MAP4: variants seen among roughly 807,000 people sequenced by gnomAD.
MAP4 encodes the protein microtubule associated protein 4.
A neutral mutation model predicts 170.2 loss-of-function variants in MAP4; 76 were observed. The ratio of observed to expected loss-of-function variants is 0.45; its 90% CI spans 0.37 to 0.54. The LOEUF (loss-of-function observed/expected upper bound fraction) is 0.54. Among genes scored for constraint, MAP4 ranks in the 20% least tolerant of loss-of-function variants. The probability of loss-of-function intolerance (pLI) is 0.00; values close to 1 mark genes in which losing one functional copy is unlikely to be tolerated. For synonymous variants in MAP4, 909 were observed against 994.5 expected (o/e 0.91, Z 1.62); for missense variants, 2,506 against 2,748.0 (o/e 0.91, Z 1.97).
intron 4 of MAP4, among the ~76,000 whole-genome samples, chr3:47,927,158 C>CAAAA (rs544565652): frequency 3.8e-5 from 4 of 105,758 alleles, no homozygotes; most frequent in South Asian, 3.2e-4. Context: ...GACTCTGTCT[C>CAAAA]AAAAAAAAAA....
chr3:47,991,736 C>T (rs1204546980), intron 2 of MAP4, among the ~76,000 whole-genome samples: 4 of 151,712 alleles, frequency 2.6e-5, no homozygotes, highest in East Asian at 1.9e-4. Context: ...GGCACGATCT[C>T]GGCTCACGGC....
rs1283624732 is a variant in MAP4, at chr3:47,911,803, G to A, written c.2618C>T (p.Ser873Phe). 1 of 1,535,940 alleles carries A rather than the reference G, an allele frequency of 6.5e-7. No homozygotes were observed. Among genetic ancestry groups the A allele is most frequent in the Non-Finnish European group, 8.7e-7 (1 of 1,146,896 alleles). The change falls in exon 9 of 21, where the codon TCT (serine) becomes TTT (phenylalanine). Residue 873 changes from serine to phenylalanine, a missense_variant. Physicochemically the swap from Ser to Phe is radical, Grantham distance 155. Around this residue, in one of 3 missense-constraint regions of MAP4, gnomAD observed 2,008 missense variants for 2,206.0 expected, o/e 0.91. Transcript: ENST00000683076. This position sits in a 1 kb window ranked among gnomAD's most constrained non-coding sequence, Gnocchi z 4.0. ...EAPKTAISSQ[S>F]KLRVEEESKS... is the part of the protein sequence containing the mutation. ...GCTCTCTTCCTCTACTCTCAGCTTA[G>A]ACTGAGAACTTATTGCAGTTTTGGG...
At chr3:48,021,270 A>C (rs2100110422), upstream of MAP4, among the ~76,000 whole-genome samples, 1 of 152,098 alleles carries the variant, frequency 6.6e-6, no homozygotes, top group Non-Finnish European at 1.5e-5. Context: ...AAAACCTATA[A>C]GGTTTTATTT....
intron 1 of MAP4, among the ~76,000 whole-genome samples, chr3:48,087,136 A>T (rs920015131): frequency 6.6e-6 from 1 of 152,260 alleles, no homozygotes; most frequent in Non-Finnish European, 1.5e-5. Context: ...AACTGAGGTG[A>T]AAACATTTCA....
At chr3:47,872,404 C>T (rs918725975) in intron 12 of MAP4, among the ~76,000 whole-genome samples, 2 of 152,122 alleles carry the variant, frequency 1.3e-5, no homozygotes, top group African/African-American at 2.4e-5. Context: ...AGGATGATCT[C>T]GATCTCCTGA....
rs561850514 is a variant in MAP4 at position 48,080,454 on chromosome 3, A to G, written c.-20+8319T>C. On this transcript the variant is annotated intron_variant, in intron 1 of 18. Transcript: ENST00000360240. ...AAAGCTAAATACCAGGAACTTCTTTAATTAAAAGGAACAATCCCATCAAGA... is the reference window on the plus strand; with the variant it reads ...AAAGCTAAATACCAGGAACTTCTTTGATTAAAAGGAACAATCCCATCAAGA... Among the ~76,000 whole-genome samples, 4 of 152,342 alleles carry G rather than the reference A, an allele frequency of 2.6e-5. No homozygotes were observed. The East Asian group carries it at 7.7e-4, about 29-fold the overall frequency.
At chr3:48,011,531 T>C (rs2100105222) in intron 1 of MAP4, among the ~76,000 whole-genome samples, 1 of 148,420 alleles carries the variant, frequency 6.7e-6, no homozygotes, top group South Asian at 2.1e-4. Flanking sequence ...CCAGCCTACG[T>C]AACAGAGCAA....
At chr3:47,972,314 T>C (rs977068082) in intron 3 of MAP4, among the ~76,000 whole-genome samples, 6 of 152,220 alleles carry the variant, frequency 3.9e-5, no homozygotes, top group Non-Finnish European at 5.9e-5. Flanking sequence ...TGTTACTGAA[T>C]GTAGTAAATT....
Position 47,910,429 on chromosome 3 carries a change from T to A in MAP4, c.3992A>T (p.Gln1331Leu). Residue 1331 changes from glutamine (Q) to leucine (L), a missense_variant, in exon 9 of 21, where the codon CAG (glutamine) becomes CTG (leucine). Coordinates refer to ENST00000683076, the MANE Select transcript of MAP4 (RefSeq NM_001385682.1). ...VTDVSCQEQI[Q>L]GAGFVPSVVS... is the part of the protein sequence containing the mutation. ...TACTGAAGGAACAAATCCTGCCCCCTGGATTTGCTCTTGGCAGCTCACATC... is the reference window on the plus strand; with the variant it reads ...TACTGAAGGAACAAATCCTGCCCCCAGGATTTGCTCTTGGCAGCTCACATC... The A allele has an allele frequency of 6.5e-7, 1 of 1,535,752 alleles. No individual in the cohort carries two copies.
In MAP4 at chr3:47,892,317, C is replaced by G. The variant is rs373516620; in HGVS notation, c.5434+10633G>C. On this transcript the variant is annotated intron_variant, in intron 10 of 20. Coordinates refer to ENST00000683076, the MANE Select transcript of MAP4 (RefSeq NM_001385682.1). Reference sequence around the variant, plus strand: ...TTCACAAGCCCATCTTTTGGTTGCCCGTCCATGCTGACATTCAGCCCAATT... The same window carrying G: ...TTCACAAGCCCATCTTTTGGTTGCCGGTCCATGCTGACATTCAGCCCAATT... The G allele has an allele frequency of 1.1e-5, 17 of 1,536,250 alleles. No individual in the cohort carries two copies. In the South Asian group the frequency reaches 1.8e-4, roughly 16 times the overall value.
Position 47,858,614 on chromosome 3 carries a change from T to TGTGTGC in MAP4, c.6502-1103_6502-1102insGCACAC, listed in dbSNP as rs1491506129. Among the ~76,000 whole-genome samples, 738 of 138,496 alleles carry TGTGTGC rather than the reference T, an allele frequency of 5.3e-3. 10 individuals are homozygous for TGTGTGC. The highest frequency in any genetic ancestry group is 0.018 in the African/African-American group (621 of 34,502). The allele number at this position is 138,496 out of a possible 152,430, so 90.9% of individuals were successfully genotyped here. On this transcript the variant is annotated intron_variant, in intron 17 of 20. Transcript: ENST00000683076. ...GTGTGTGTGTGTGTGTGTGTGTGTG[T>TGTGTGC]GCGCGTTGTGTGTGTGTGTGTGTGT...
At position 47,875,913 on chromosome 3, in the gene MAP4, T is replaced by G; in HGVS notation, c.5542-13A>C. ...TGGTGGCCAAAGGCTTTAGGTTGAT[T>G]GTTGTTTATTTTTTATTTTTATTTT... is the stretch of plus-strand genomic sequence containing the variant. On this transcript the variant is annotated splice_polypyrimidine_tract_variant and intron_variant, in intron 11 of 20. Transcript: ENST00000683076. 1.3e-6 allele frequency: 2 copies of G among 1,567,192 alleles called. No individual in the cohort carries two copies. The highest frequency in any genetic ancestry group is 1.7e-6 in the Non-Finnish European group (2 of 1,160,346).
chr3:47,870,589 G>A (rs2089909284), intron 15 of MAP4, among the ~76,000 whole-genome samples: 1 of 152,112 alleles, frequency 6.6e-6, no homozygotes, highest in South Asian at 2.1e-4. Flanking sequence ...TCTAGAACAG[G>A]AGCCTTTCTT....
chr3:47,892,121 T>C, intron 10 of MAP4: 1 of 1,536,222 alleles, frequency 6.5e-7, no homozygotes, highest in Non-Finnish European at 8.7e-7. Flanking sequence ...GGAGGTCTTC[T>C]GGTGTACCGA....
chr3:48,033,632 G>A lies in MAP4; in HGVS notation c.-19-34753C>T, dbSNP rs1404269830. Among the ~76,000 whole-genome samples the A allele has an allele frequency of 2.6e-5, 4 of 151,782 alleles. No individual in the cohort carries two copies. In the South Asian group the frequency reaches 6.2e-4, roughly 24 times the overall value. ...TTAATTTTTTTGAAACGGGAGTCTC[G>A]CTCTGTCACCCAGGCTTGAGTGCAG... is the stretch of plus-strand genomic sequence containing the variant. On this transcript the variant is annotated intron_variant, in intron 1 of 18. Coordinates refer to the MAP4 transcript ENST00000360240.
intron 2 of MAP4, among the ~76,000 whole-genome samples, chr3:47,987,923 G>A (rs536169293): frequency 6.6e-6 from 1 of 152,270 alleles, no homozygotes; most frequent in South Asian, 2.1e-4. Flanking sequence ...GGCCGGGCAC[G>A]GTGGCTCACG....
intron 1 of MAP4, among the ~76,000 whole-genome samples, chr3:48,052,699 T>G (rs944493918): frequency 6.6e-6 from 1 of 152,130 alleles, no homozygotes; most frequent in Admixed American, 6.5e-5. Flanking sequence ...TCTCATAAAT[T>G]AGAATCAAAA....
chr3:47,893,606 A>G (rs1455707656), intron 10 of MAP4, among the ~76,000 whole-genome samples: 1 of 152,144 alleles, frequency 6.6e-6, no homozygotes. Flanking sequence ...AAAAAATTAC[A>G]CTATAAGGAC....
At chr3:47,875,059 G>A (rs2094848633) in intron 12 of MAP4, among the ~76,000 whole-genome samples, 1 of 152,226 alleles carries the variant, frequency 6.6e-6, no homozygotes, top group Non-Finnish European at 1.5e-5. Flanking sequence ...AACCGTGGGT[G>A]ACCTGGAAAA....
Sources: gnomAD v4.1 joint callset for allele counts (sites outside exome capture counted in the v4.1 genomes callset) on GRCh38, gnomAD v4.1.1 for gene constraint, gnomAD v4.1.1 regional missense constraint, Gnocchi (gnomAD v3.1) non-coding constraint, MANE v1.5 for transcripts, NCBI Gene and HGNC (gene_info 2026-07-23, HGNC 2026-07-21) for gene names.